Variants in FXR2 observed in about 807,000 individuals in gnomAD.
FXR2 encodes RNA-binding protein FXR2.
Under a neutral mutation model 87.3 loss-of-function variants are expected in FXR2, and 9 were observed. That is an observed-to-expected ratio of 0.10 (90% CI 0.06 to 0.18). FXR2 has a LOEUF of 0.18. FXR2 is among the 10% of genes least tolerant of loss of function. The pLI, the probability that FXR2 is intolerant of heterozygous loss-of-function variation, is 1.00. For synonymous variants in FXR2, 331 were observed against 328.3 expected, an observed-to-expected ratio of 1.01 and a Z score of -0.09; for missense variants, 661 against 893.6, an observed-to-expected ratio of 0.74 and a Z score of 3.32.
chr17:7,595,732 G>T lies in FXR2; in HGVS notation c.831+92C>A. On this transcript the variant is annotated intron_variant, in intron 8 of 16. Coordinates refer to ENST00000250113, the MANE Select transcript of FXR2 (RefSeq NM_004860.4). The surrounding 1 kb of genome is among the most constrained non-coding windows in gnomAD (Gnocchi z 4.7). ...GAAGGTGCTGGGATTACAGGTGTGAGCCACTGTGCCCAGTTTGAGGCTTAT... is the reference window on the plus strand; with the variant it reads ...GAAGGTGCTGGGATTACAGGTGTGATCCACTGTGCCCAGTTTGAGGCTTAT... 1.0e-6 allele frequency: 1 copy of T among 982,726 alleles called. No individual in the cohort carries two copies. The highest frequency in any genetic ancestry group is 1.5e-6 in the Non-Finnish European group (1 of 646,638). The allele number at this position is 982,726 out of a possible 1,614,324, so 60.9% of individuals were successfully genotyped here.
chr17:7,604,243 G>A (rs77477673), intron 3 of FXR2, among the ~76,000 whole-genome samples, 163 bp from the exon 4 acceptor site: 3,563 of 152,094 alleles, frequency 0.023, 265 homozygotes, highest in East Asian at 0.18. Context: ...ACCAGCTTGG[G>A]CAACATAAAC....
In FXR2 at chr17:7,594,450, A is replaced by G; in HGVS notation, c.911-103T>C. 2 of 729,916 alleles carry G rather than the reference A, an allele frequency of 2.7e-6. No individual in the cohort carries two copies. Among genetic ancestry groups the G allele is most frequent in the South Asian group, 3.5e-5 (2 of 57,740 alleles). The allele number at this position is 729,916 out of a possible 1,614,324, so 45.2% of individuals were successfully genotyped here. A position where few individuals can be genotyped will look rare whatever the true frequency, so the allele number is the denominator to read the frequency against. ...GCCTCATTTTCTTTATATGGATTCC[A>G]TTTACTTCATTCTCCTGCTTCTAGG... On this transcript the variant is annotated intron_variant, in intron 9 of 16. Transcript: ENST00000250113. The surrounding 1 kb of genome is among the most constrained non-coding windows in gnomAD (Gnocchi z 5.1).
intron 1 of FXR2, among the ~76,000 whole-genome samples, chr17:7,608,991 C>G (rs2071827325): frequency 6.6e-6 from 1 of 152,182 alleles, no homozygotes; most frequent in East Asian, 1.9e-4. Context: ...TGCCTGTAGT[C>G]CCAGCTATTT....
In FXR2 at chr17:7,594,034, C is replaced by G; in HGVS notation, c.1021-30G>C. On this transcript the variant is annotated intron_variant, in intron 10 of 16. Coordinates refer to ENST00000250113, the MANE Select transcript of FXR2 (RefSeq NM_004860.4). The surrounding 1 kb of genome is among the most constrained non-coding windows in gnomAD (Gnocchi z 5.1). ...AGAACAGAGAGCAGAAACGATGGAT[C>G]AGAAAGGAAAATGAAATGGAAGGAT... is the stretch of plus-strand genomic sequence containing the variant. 7.1e-7 allele frequency: 1 copy of G among 1,413,116 alleles called. No individual in the cohort carries two copies. Among genetic ancestry groups the G allele is most frequent in the South Asian group, 1.1e-5 (1 of 87,106 alleles). The allele number at this position is 1,413,116 out of a possible 1,614,324, so 87.5% of individuals were successfully genotyped here.
In FXR2 at chr17:7,592,005, C is replaced by G. The variant is rs2071665924; in HGVS notation, c.1927-80G>C. ...CAGGTGGGAGACATTCCCTACCATC[C>G]AAGCCCTCCTGGCATTTGGTGATCC... On this transcript the variant is annotated intron_variant, in intron 16 of 16. Transcript: ENST00000250113. This position sits in a 1 kb window ranked among gnomAD's most constrained non-coding sequence, Gnocchi z 4.8. The G allele has an allele frequency of 1.7e-6, 2 of 1,199,048 alleles. No individual in the cohort carries two copies. Among genetic ancestry groups the G allele is most frequent in the Admixed American group, 4.6e-5 (2 of 43,508 alleles). 74.3% of individuals were successfully genotyped at this position (1,199,048 alleles called of 1,614,324 possible).
In FXR2 at chr17:7,595,310, T is replaced by C. The variant is rs1225111612; in HGVS notation, c.831+514A>G. Among the ~76,000 whole-genome samples, 4 of 152,028 alleles carry C rather than the reference T, an allele frequency of 2.6e-5. No individual in the cohort carries two copies. Among genetic ancestry groups the C allele is most frequent in the Non-Finnish European group, 5.9e-5 (4 of 68,002 alleles). The stretch of plus-strand genomic sequence containing the variant: ...TTTTGATTTTTTGGTCTCACTCTAT[T>C]GACTATGTTGCCCAGGTTGGTTCAG... On this transcript the variant is annotated intron_variant, in intron 8 of 16. Transcript: ENST00000250113. This position sits in a 1 kb window ranked among gnomAD's most constrained non-coding sequence, Gnocchi z 4.7.
chr17:7,605,948 C>T lies in FXR2; in HGVS notation c.134+149G>A, dbSNP rs1597878792. 9.1e-6 allele frequency: 6 copies of T among 660,722 alleles called. No individual in the cohort carries two copies. In the East Asian group the frequency reaches 1.6e-4, roughly 18 times the overall value. 40.9% of individuals were successfully genotyped at this position (660,722 alleles called of 1,614,324 possible). On this transcript the variant is annotated intron_variant, in intron 2 of 16. Coordinates refer to ENST00000250113, the MANE Select transcript of FXR2 (RefSeq NM_004860.4). ...GCCCCCACCCTCACCAAATTCTCAG[C>T]CCTTTCCTCTCCTGGGATCCATATG...
At chr17:7,602,425 AG>A (rs1357354169) in intron 6 of FXR2, among the ~76,000 whole-genome samples, 2 of 152,072 alleles carry the variant, frequency 1.3e-5, no homozygotes, top group Non-Finnish European at 2.9e-5. Context: ...AAAATTAGCC[AG>A]GCGCAATGGC....
chr17:7,605,247 A>G (rs1403967841), intron 3 of FXR2, among the ~76,000 whole-genome samples: 1 of 152,054 alleles, frequency 6.6e-6, no homozygotes, highest in Admixed American at 6.6e-5. Context: ...AGGTGCTTGT[A>G]ATCCCAGCTA....
chr17:7,593,245 C>T lies in FXR2; in HGVS notation c.1331-64G>A. On this transcript the variant is annotated intron_variant, in intron 12 of 16. Coordinates refer to ENST00000250113, the MANE Select transcript of FXR2 (RefSeq NM_004860.4). The surrounding 1 kb of genome is among the most constrained non-coding windows in gnomAD (Gnocchi z 6.1). ...CCACCTCAGGATCCATCACATCCCC[C>T]AAACTGGAAGAATTCTCCTTCTCAC... 1 of 1,338,844 alleles carries T rather than the reference C, an allele frequency of 7.5e-7. No individual in the cohort carries two copies. Among genetic ancestry groups the T allele is most frequent in the Middle Eastern group, 2.2e-4 (1 of 4,518 alleles). 82.9% of individuals were successfully genotyped at this position (1,338,844 alleles called of 1,614,324 possible). A position where few individuals can be genotyped will look rare whatever the true frequency, so the allele number is the denominator to read the frequency against.
intron 1 of FXR2, among the ~76,000 whole-genome samples, chr17:7,612,548 T>C (rs886796389): frequency 3.7e-4 from 56 of 152,064 alleles, no homozygotes; most frequent in African/African-American, 1.3e-3. Flanking sequence ...AGGTGATTCC[T>C]GGGGATTACA....
Position 7,593,459 on chromosome 17 carries a change from T to A in FXR2, c.1274A>T (p.Tyr425Phe), listed in dbSNP as rs1360536311. 2 of 1,589,936 alleles carry A rather than the reference T, an allele frequency of 1.3e-6. No homozygotes were observed. The highest frequency in any genetic ancestry group is 4.6e-5 in the East Asian group (2 of 43,790). The change falls in exon 12 of 17, where the codon TAT becomes TTT. Residue 425 changes from tyrosine (Y) to phenylalanine (F), a missense_variant. By Grantham distance (22) the Tyr-to-Phe change is conservative (BLOSUM62 3). Transcript: ENST00000250113. The surrounding 1 kb of genome is among the most constrained non-coding windows in gnomAD (Gnocchi z 6.1). ...GCCACGGCCCCCATAGCTGCCCCCATAGGTTCGAGTCGCATGGAGGGAGGA... is the reference window on the plus strand; with the variant it reads ...GCCACGGCCCCCATAGCTGCCCCCAAAGGTTCGAGTCGCATGGAGGGAGGA... Reference protein sequence around the residue: ...SSSSLHATRTYGGSYGGRGRG... With the variant: ...SSSSLHATRTFGGSYGGRGRG...
At chr17:7,612,962 C>T (rs1207833286) in intron 1 of FXR2, among the ~76,000 whole-genome samples, 1 of 129,684 alleles carries the variant, frequency 7.7e-6, no homozygotes, top group Non-Finnish European at 1.5e-5. Flanking sequence ...CACCACTGCA[C>T]TCCAAGCCTG....
rs901920948 is a variant in FXR2 at position 7,614,361 on chromosome 17, G to GC, written c.81+90dup. The stretch of plus-strand genomic sequence containing the variant: ...CCAAGATTCTAAGGGCCAGGACTCA[G>GC]CTCCAGAAGCTCGATCCCGCCCCAC... On this transcript the variant is annotated intron_variant, in intron 1 of 16. Transcript: ENST00000250113. The GC allele has an allele frequency of 5.3e-6, 5 of 952,314 alleles. No individual in the cohort carries two copies. In the African/African-American group the frequency reaches 8.2e-5, roughly 16 times the overall value. The allele number at this position is 952,314 out of a possible 1,614,324, so 59.0% of individuals were successfully genotyped here. A position where few individuals can be genotyped will look rare whatever the true frequency, so the allele number is the denominator to read the frequency against.
intron 1 of FXR2, among the ~76,000 whole-genome samples, chr17:7,610,045 T>TAC (rs1402922760): frequency 3.7e-5 from 3 of 82,148 alleles, no homozygotes; most frequent in South Asian, 3.2e-4. Flanking sequence ...TATGTATATA[T>TAC]ATACACACAC....
rs1483820545 is a variant in FXR2 at position 7,614,741 on chromosome 17, G to C, written c.-209C>G. ...CTCCCCGTCCGCCGCCGCCGCCTTG[G>C]TCTCCGCCACCGTGAGGGAAACGGC... On this transcript the variant is annotated 5_prime_UTR_variant, in exon 1 of 17. Coordinates refer to ENST00000250113, the MANE Select transcript of FXR2 (RefSeq NM_004860.4). 1.2e-5 allele frequency: 3 copies of C among 255,322 alleles called. No individual in the cohort carries two copies. Among genetic ancestry groups the C allele is most frequent in the Non-Finnish European group, 1.5e-5 (2 of 137,178 alleles). 15.8% of individuals were successfully genotyped at this position (255,322 alleles called of 1,614,324 possible).
At position 7,591,489 on chromosome 17, in the gene FXR2, C is replaced by CG. The variant is rs532565520; in HGVS notation, c.*340dup. Reference sequence around the variant, plus strand: ...GGGATAGCAGGGGAGGCCCCCTGAACGGTCAAATCTGGGTGGGTCGAGGAG... The same window carrying CG: ...GGGATAGCAGGGGAGGCCCCCTGAACGGGTCAAATCTGGGTGGGTCGAGGAG... On this transcript the variant is annotated 3_prime_UTR_variant, in exon 17 of 17. Coordinates refer to ENST00000250113, the MANE Select transcript of FXR2 (RefSeq NM_004860.4). This position sits in a 1 kb window ranked among gnomAD's most constrained non-coding sequence, Gnocchi z 4.0. 25 of 300,510 alleles carry CG rather than the reference C, an allele frequency of 8.3e-5. No homozygotes were observed. The East Asian group carries it at 2.5e-3, about 30-fold the overall frequency. 18.6% of individuals were successfully genotyped at this position (300,510 alleles called of 1,614,324 possible).
In FXR2 at chr17:7,610,040, A is replaced by ATATGTATACATGTATG. The variant is rs1567754128; in HGVS notation, c.82-3892_82-3891insCATACATGTATACATA. Among the ~76,000 whole-genome samples the ATATGTATACATGTATG allele has an allele frequency of 2.3e-3, 183 of 78,276 alleles. 4 individuals are homozygous for ATATGTATACATGTATG. The East Asian group carries it at 0.029, about 12-fold the overall frequency. 51.4% of individuals were successfully genotyped at this position (78,276 alleles called of 152,430 possible). On this transcript the variant is annotated intron_variant, in intron 1 of 16. Transcript: ENST00000250113. ...TACATGTATATGTATACATGTATGT[A>ATATGTATACATGTATG]TATATATACACACACACACACACAC... is the stretch of plus-strand genomic sequence containing the variant.
intron 1 of FXR2, among the ~76,000 whole-genome samples, chr17:7,613,613 TTAAGA>T (rs2150950250): frequency 6.6e-6 from 1 of 152,322 alleles, no homozygotes; most frequent in African/African-American, 2.4e-5. Context: ...AGTGGAAATC[TTAAGA>T]TAAACAGAAG....
Sources: allele counts gnomAD v4.1 joint callset (sites outside exome capture counted in the v4.1 genomes callset), GRCh38; gene constraint gnomAD v4.1.1; non-coding constraint Gnocchi (gnomAD v3.1); transcripts MANE v1.5; gene names NCBI Gene and HGNC (gene_info 2026-07-23, HGNC 2026-07-21).